The following MID1 variants were observed in gnomAD, a reference collection of about 807,000 sequenced individuals.
MID1 encodes the protein E3 ubiquitin-protein ligase Midline-1.
Under a neutral mutation model 40.4 loss-of-function variants are expected in MID1, and 7 were observed. The ratio of observed to expected loss-of-function variants is 0.17; its 90% CI spans 0.10 to 0.33. The LOEUF is 0.33. Among genes scored for constraint, MID1 ranks in the 10% least tolerant of loss-of-function variants. The probability of loss-of-function intolerance (pLI) is 1.00; values close to 1 mark genes in which losing one functional copy is unlikely to be tolerated. For synonymous variants in MID1, 229 were observed against 221.2 expected, an observed-to-expected ratio of 1.04 and a Z score of -0.31; for missense variants, 367 against 558.5, an observed-to-expected ratio of 0.66 and a Z score of 3.46.
In MID1 at chrX:10,482,575, A is replaced by C; in HGVS notation, c.918T>G (p.Ile306Met). The part of the protein sequence containing the change: ...AQQIANCKQC[I>M]ERSASLISQA... The stretch of plus-strand genomic sequence containing the variant: ...GGGAGATGAGTGATGCTGACCGCTC[A>C]ATGCACTGTTTGCAGTTTGCAATCT... Residue 306 changes from isoleucine (I) to methionine (M), a missense_variant, in exon 5 of 10, where the codon ATT becomes ATG. Physicochemically the swap from Ile to Met is conservative, Grantham distance 10. Coordinates refer to ENST00000317552, the MANE Select transcript of MID1 (RefSeq NM_000381.4). 8.3e-7 allele frequency: 1 copy of C among 1,210,921 alleles called. No individual in the cohort carries two copies.
intron 1 of MID1, among the ~76,000 whole-genome samples, chrX:10,585,786 T>TA (rs1935128193): frequency 1.8e-5 from 2 of 111,550 alleles, no homozygotes; most frequent in African/African-American, 6.5e-5. Context: ...ACATTTATTT[T>TA]TACACAGTCT....
chrX:10,741,121 T>C (rs2043520969), intron 1 of MID1, among the ~76,000 whole-genome samples: 1 of 112,182 alleles, frequency 8.9e-6, no homozygotes, highest in Admixed American at 9.5e-5. Context: ...TTTTGTGTAA[T>C]GCCTTTACAT....
chrX:10,495,664 A>G lies in MID1; in HGVS notation c.784T>C (p.Leu262=), dbSNP rs753840317. The G allele has an allele frequency of 4.6e-5, 56 of 1,207,089 alleles. No homozygotes were observed. Among genetic ancestry groups the G allele is most frequent in the Non-Finnish European group, 5.6e-5 (50 of 892,765 alleles). Reference sequence around the variant, plus strand: ...ATGAGAAGATCACACTCCTCTGTCAATTTGGCTTCTTGACGTGATGCATTG... The same window carrying G: ...ATGAGAAGATCACACTCCTCTGTCAGTTTGGCTTCTTGACGTGATGCATTG... ...EVNASRQEAK[L]TEECDLLIEI... Residue 262 remains leucine (L), a synonymous_variant, in exon 4 of 10, where the codon TTG becomes CTG. Transcript: ENST00000317552.
At chrX:10,762,856 A>T (rs1569164239) in intron 1 of MID1, among the ~76,000 whole-genome samples, 1 of 112,003 alleles carries the variant, frequency 8.9e-6, no homozygotes, top group Non-Finnish European at 1.9e-5. Flanking sequence ...ATCAGATATA[A>T]GTGAGATGCT....
intron 1 of MID1, among the ~76,000 whole-genome samples, chrX:10,674,208 T>A (rs189378669): frequency 6.1e-4 from 69 of 112,528 alleles, no homozygotes; most frequent in Admixed American, 2.8e-4. Flanking sequence ...ACACAGTGGG[T>A]CTTGTGCAAT....
intron 3 of MID1, among the ~76,000 whole-genome samples, chrX:10,501,961 G>A (rs757927429): frequency 5.4e-4 from 60 of 112,006 alleles, no homozygotes; most frequent in African/African-American, 1.9e-3. Flanking sequence ...AACATTAAAG[G>A]GATTTAGTTA....
At chrX:10,628,976 G>C (rs965765031) in intron 1 of MID1, among the ~76,000 whole-genome samples, 1 of 111,435 alleles carries the variant, frequency 9.0e-6, no homozygotes, top group Non-Finnish European at 1.9e-5. Context: ...TGGCACCCTA[G>C]TTCAGATGCA....
chrX:10,568,147 G>A (rs763524359), intron 1 of MID1, among the ~76,000 whole-genome samples: 3 of 112,127 alleles, frequency 2.7e-5, no homozygotes, highest in Admixed American at 9.4e-5. Flanking sequence ...GAAATCAAAT[G>A]TGGGGATTTC....
At position 10,681,136 on chromosome X, in the gene MID1, C is replaced by A. The variant is rs1314550827; in HGVS notation, c.-186-60717G>T. On this transcript the variant is annotated intron_variant, in intron 1 of 10. Transcript: ENST00000380785. ...TATGTGATGTTTGTATTAAAGGCAACAACAACAGCAACATCAAAACACTTT... is the reference window on the plus strand; with the variant it reads ...TATGTGATGTTTGTATTAAAGGCAAAAACAACAGCAACATCAAAACACTTT... Among the ~76,000 whole-genome samples, 5 of 109,985 alleles carry A rather than the reference C, an allele frequency of 4.5e-5. No homozygotes were observed. In the East Asian group the frequency reaches 1.4e-3, roughly 31 times the overall value.
At chrX:10,598,923 T>C (rs1935464945) in intron 1 of MID1, among the ~76,000 whole-genome samples, 1 of 111,874 alleles carries the variant, frequency 8.9e-6, no homozygotes, top group Non-Finnish European at 1.9e-5. Flanking sequence ...ATCTGTACAT[T>C]TGTGCTAATT....
At chrX:10,572,561 A>C (rs1934767184) in intron 1 of MID1, among the ~76,000 whole-genome samples, 1 of 110,165 alleles carries the variant, frequency 9.1e-6, no homozygotes, top group Non-Finnish European at 1.9e-5. Context: ...AAAACAAACA[A>C]ACAACAACAA....
chrX:10,533,368 G>GAAAGAAA (rs1569089700), intron 2 of MID1, among the ~76,000 whole-genome samples: 1 of 53,909 alleles, frequency 1.9e-5, no homozygotes, highest in African/African-American at 7.9e-5. Context: ...AAGAAAGAAA[G>GAAAGAAA]AAAGAAAGAA....
intron 2 of MID1, among the ~76,000 whole-genome samples, chrX:10,563,654 T>C (rs1433453223): frequency 8.9e-6 from 1 of 111,982 alleles, no homozygotes; most frequent in Non-Finnish European, 1.9e-5. Flanking sequence ...TTTCTCTTTT[T>C]ATCTTAGTAG....
chrX:10,786,410 C>T (rs1276140600), intron 1 of MID1, among the ~76,000 whole-genome samples: 5 of 111,010 alleles, frequency 4.5e-5, no homozygotes, highest in African/African-American at 9.8e-5. Flanking sequence ...GTCAGTGTGG[C>T]GATTCCTCAG....
chrX:10,628,591 G>A (rs1936019620), intron 1 of MID1, among the ~76,000 whole-genome samples: 1 of 111,569 alleles, frequency 9.0e-6, no homozygotes, highest in Non-Finnish European at 1.9e-5. Context: ...AGATAATTTT[G>A]TTATGGTCAT....
At chrX:10,764,563 AT>A (rs900228418) in intron 1 of MID1, among the ~76,000 whole-genome samples, 25 of 111,757 alleles carry the variant, frequency 2.2e-4, no homozygotes, top group African/African-American at 7.1e-4. Flanking sequence ...AAACCTTAGA[AT>A]TTTTTTTAAA....
chrX:10,710,541 C>A (rs1177524667), intron 1 of MID1, among the ~76,000 whole-genome samples: 2 of 109,791 alleles, frequency 1.8e-5, no homozygotes, highest in Non-Finnish European at 3.8e-5. Context: ...AAAACTTGTA[C>A]CTATTTGTAA....
At chrX:10,632,857 G>A (rs777441515) in intron 1 of MID1, among the ~76,000 whole-genome samples, 1 of 111,480 alleles carries the variant, frequency 9.0e-6, no homozygotes, top group African/African-American at 3.3e-5. Flanking sequence ...CATATGAAAA[G>A]TATGTGAAAT....
chrX:10,465,446 G>A (rs1929336512), intron 7 of MID1, among the ~76,000 whole-genome samples: 1 of 108,317 alleles, frequency 9.2e-6, no homozygotes, highest in Admixed American at 1.0e-4. Context: ...TATGGCAAAG[G>A]ACAAAGGTCT....
Sources: allele counts gnomAD v4.1 joint callset (sites outside exome capture counted in the v4.1 genomes callset), GRCh38; gene constraint gnomAD v4.1.1; transcripts MANE v1.5; gene names NCBI Gene and HGNC (gene_info 2026-07-23, HGNC 2026-07-21).